The following HUWE1 variants were observed in gnomAD, a reference collection of about 807,000 sequenced individuals.
The protein encoded by HUWE1 is E3 ubiquitin-protein ligase HUWE1.
In HUWE1, 18 loss-of-function variants were observed where a neutral mutation model predicts 299.4. The ratio of observed to expected loss-of-function variants is 0.06; its 90% CI spans 0.04 to 0.09. The LOEUF is 0.09. Among genes scored for constraint, HUWE1 ranks in the 10% least tolerant of loss-of-function variants. The pLI is 1.00. For missense variants in HUWE1, 1,832 were observed against 3,462.3 expected, an observed-to-expected ratio of 0.53 and a Z score of 11.82; for synonymous variants, 1,317 against 1,286.1, an observed-to-expected ratio of 1.02 and a Z score of -0.51.
chrX:53,660,720 G>A (rs1170187710), intron 3 of HUWE1, among the ~76,000 whole-genome samples: 1 of 111,711 alleles, frequency 9.0e-6, no homozygotes, highest in Admixed American at 9.5e-5. Flanking sequence ...ATAGCTAATT[G>A]ACATTATTAA....
At chrX:53,584,802 G>A (rs2063782820) in intron 40 of HUWE1, among the ~76,000 whole-genome samples, 1 of 111,944 alleles carries the variant, frequency 8.9e-6, no homozygotes, top group Non-Finnish European at 1.9e-5. Context: ...GTTTACAGTA[G>A]GGGTGTCCAA....
intron 49 of HUWE1, among the ~76,000 whole-genome samples, chrX:53,566,409 T>C (rs1253091304): frequency 4.7e-5 from 5 of 107,197 alleles, no homozygotes; most frequent in Non-Finnish European, 5.8e-5. Flanking sequence ...CTGAGCAACA[T>C]AGTGAGATCC....
chrX:53,568,619 C>A, intron 49 of HUWE1, 73 bp downstream of exon 49: 1 of 1,034,475 alleles, frequency 9.7e-7, no homozygotes, highest in Non-Finnish European at 1.3e-6. Context: ...TCCCACTACA[C>A]CAGCTACCTC....
At position 53,575,768 on chromosome X, in the gene HUWE1, G is replaced by A. The variant is rs2148006773; in HGVS notation, c.5905C>T (p.Pro1969Ser). Reference sequence around the variant, plus strand: ...CCAACCTCTTGGGTCATAACCCCAGGTTTAGGATCAGATTTATCTGCTAGG... The same window carrying A: ...CCAACCTCTTGGGTCATAACCCCAGATTTAGGATCAGATTTATCTGCTAGG... ...PEEADKSDPKPGVMTQEVGQL... is the reference protein window; with the variant it reads ...PEEADKSDPKSGVMTQEVGQL... The change falls in exon 45 of 84, where the codon CCT becomes TCT. Residue 1969 changes from proline to serine, a missense_variant. Pro to Ser is a moderately conservative substitution (Grantham distance 74). Coordinates refer to ENST00000262854, the MANE Select transcript of HUWE1 (RefSeq NM_031407.7). The A allele has an allele frequency of 4.1e-6, 5 of 1,211,520 alleles. No homozygotes were observed. The highest frequency in any genetic ancestry group is 1.8e-5 in the South Asian group (1 of 56,957).
At chrX:53,633,915 T>C (rs1367880897) in intron 8 of HUWE1, among the ~76,000 whole-genome samples, 1 of 112,286 alleles carries the variant, frequency 8.9e-6, no homozygotes, top group African/African-American at 3.2e-5. Flanking sequence ...AGTGTGAGAA[T>C]GCAAGCGAAC....
intron 37 of HUWE1, among the ~76,000 whole-genome samples, chrX:53,587,555 T>C (rs1456611292): frequency 8.9e-6 from 1 of 111,884 alleles, no homozygotes; most frequent in Non-Finnish European, 1.9e-5. Context: ...TAAAAGAAAA[T>C]ACAAGACTGT....
In HUWE1 at chrX:53,583,705, A is replaced by G. The variant is rs782516736; in HGVS notation, c.5373T>C (p.Tyr1791=). Residue 1791 remains tyrosine (Y), a synonymous_variant, in exon 42 of 84, where the codon TAT becomes TAC. Transcript: ENST00000262854. ...LCLRLTRDHK[Y]AMMFAELKST... The stretch of plus-strand genomic sequence containing the variant: ...TCTTCAGTTCTGCAAACATCATGGC[A>G]TATTTGTGGTCCCGGGTGAGCCTCA... 7.7e-5 allele frequency: 93 copies of G among 1,209,172 alleles called. No individual in the cohort carries two copies. The highest frequency in any genetic ancestry group is 1.0e-4 in the Non-Finnish European group (93 of 894,900).
At chrX:53,636,047 T>C (rs1414630524) in intron 7 of HUWE1, among the ~76,000 whole-genome samples, 4 of 112,551 alleles carry the variant, frequency 3.6e-5, no homozygotes, top group African/African-American at 1.3e-4. Context: ...ATTCTCCAAA[T>C]AATGGTACAT....
At chrX:53,594,443 C>T (rs782150908) in intron 31 of HUWE1, 56 bp downstream of exon 31, 6 of 1,181,217 alleles carry the variant, frequency 5.1e-6, no homozygotes, top group East Asian at 3.0e-5. Context: ...TGGGAAGGCA[C>T]ACAGCAAAGA....
chrX:53,631,724 T>C (rs782107282), intron 9 of HUWE1, 110 bp from the exon 10 acceptor site: 1 of 554,406 alleles, frequency 1.8e-6, no homozygotes, highest in Non-Finnish European at 3.2e-6. Context: ...CCTAATAGGC[T>C]GAAGCCTAAG....
At chrX:53,562,697 T>G in intron 53 of HUWE1, 134 bp downstream of exon 53, 14 of 532,672 alleles carry the variant, frequency 2.6e-5, no homozygotes, top group East Asian at 3.5e-5. Context: ...AAGTGGATGG[T>G]GTATGTCAGC....
chrX:53,645,994 T>G (rs1557035709), intron 6 of HUWE1, among the ~76,000 whole-genome samples: 1 of 109,939 alleles, frequency 9.1e-6, no homozygotes, highest in African/African-American at 3.3e-5. Flanking sequence ...ATATTTTATG[T>G]TCTCTTCTGT....
intron 44 of HUWE1, among the ~76,000 whole-genome samples, chrX:53,576,326 C>T (rs1210338827): frequency 2.7e-5 from 3 of 111,803 alleles, no homozygotes; most frequent in Non-Finnish European, 5.6e-5. Flanking sequence ...AACCTATGTT[C>T]CAAGCAAATC....
Position 53,632,510 on chromosome X carries a change from C to T in HUWE1, c.622G>A (p.Ala208Thr). The T allele has an allele frequency of 8.3e-7, 1 of 1,205,241 alleles. No homozygotes were observed. The highest frequency in any genetic ancestry group is 1.1e-6 in the Non-Finnish European group (1 of 889,590). ...LHFEFYADPG[A>T]EVKIEKRTTS... is the part of the protein sequence containing the mutation. ...ACCCTTTTCTCAATTTTGACCTCGG[C>T]CCCAGGATCTGCATAGAATTCAAAG... The change falls in exon 9 of 84, where the codon GCC becomes ACC. Residue 208 changes from alanine to threonine, a missense_variant. Ala to Thr is a moderately conservative substitution (Grantham distance 58). Around this residue, in one of 15 missense-constraint regions of HUWE1, gnomAD observed 658 missense variants for 1,282.6 expected, o/e 0.51. Transcript: ENST00000262854.
Position 53,576,940 on chromosome X carries a change from A to G in HUWE1, c.5844T>C (p.Asp1948=), listed in dbSNP as rs1556959336. The change falls in exon 44 of 84, where the codon GAT becomes GAC. Residue 1948 remains aspartate, a synonymous_variant. Transcript: ENST00000262854. The stretch of plus-strand genomic sequence containing the variant: ...GGTATGCAGCCAGAGCATTCAGCAT[A>G]TCATAGATCACTTCCTTGATAGTAT... The part of the protein sequence containing the change: ...IPDTIKEVIY[D]MLNALAAYHA... 6.6e-6 allele frequency: 8 copies of G among 1,210,148 alleles called. No homozygotes were observed. In the South Asian group the frequency reaches 1.4e-4, roughly 21 times the overall value.
chrX:53,614,517 G>C lies in HUWE1; in HGVS notation c.2261+17C>G, dbSNP rs1300326288. On this transcript the variant is annotated intron_variant, in intron 23 of 83. Coordinates refer to ENST00000262854, the MANE Select transcript of HUWE1 (RefSeq NM_031407.7). ...CCACGATTATATGGCTAGATGATCT[G>C]TTCTGTAAACACTTACTGCTGATTA... 2 of 1,153,103 alleles carry C rather than the reference G, an allele frequency of 1.7e-6. No homozygotes were observed. The highest frequency in any genetic ancestry group is 3.0e-5 in the East Asian group (1 of 33,557).
chrX:53,543,596 G>A (rs911554134), intron 73 of HUWE1: 1 of 415,580 alleles, frequency 2.4e-6, no homozygotes, highest in Non-Finnish European at 4.1e-6. Flanking sequence ...GTTTGCAAAA[G>A]CGCCACTGTT....
At chrX:53,645,736 AATATATAT>A (rs1175668846) in intron 6 of HUWE1, among the ~76,000 whole-genome samples, 543 of 25,944 alleles carry the variant, frequency 0.021, 16 homozygotes, top group Non-Finnish European at 0.024. Flanking sequence ...AAAAAAAAAA[AATATATAT>A]ATATATATAT....
chrX:53,561,995 T>C, intron 54 of HUWE1, 71 bp from the exon 55 acceptor site: 4 of 1,211,138 alleles, frequency 3.3e-6, no homozygotes, highest in East Asian at 3.0e-5. Context: ...CATGGCCACA[T>C]GTGCACATGA....
Sources: allele counts gnomAD v4.1 joint callset (sites outside exome capture counted in the v4.1 genomes callset), GRCh38; gene constraint gnomAD v4.1.1; regional missense constraint gnomAD v4.1.1; transcripts MANE v1.5; gene names NCBI Gene and HGNC (gene_info 2026-07-23, HGNC 2026-07-21).